The following CSTPP1 variants were observed in gnomAD, a reference collection of about 807,000 sequenced individuals.
CSTPP1 encodes centriolar satellite-associated tubulin polyglutamylase complex regulator 1.
At chr11:46,955,172 A>C in the CSTPP1 span, among the ~76,000 whole-genome samples, 1 of 152,180 alleles carries the variant, frequency 6.6e-6, no homozygotes, top group African/African-American at 2.4e-5. Context: ...CCACTTTGAC[A>C]TAAGTTTCTA....
chr11:47,094,006 G>A, the CSTPP1 span, among the ~76,000 whole-genome samples: 1 of 152,212 alleles, frequency 6.6e-6, no homozygotes, highest in Non-Finnish European at 1.5e-5. Flanking sequence ...GATGTAGCAT[G>A]TGACCTGAGC....
the CSTPP1 span, among the ~76,000 whole-genome samples, chr11:47,032,349 T>C: frequency 0.014 from 2,197 of 152,300 alleles, 55 homozygotes; most frequent in African/African-American, 0.05. Context: ...GCCTTCACAT[T>C]TGATGCAAAT....
At chr11:46,936,946 G>A in the CSTPP1 span, 4 of 1,315,610 alleles carry the variant, frequency 3.0e-6, no homozygotes, top group Non-Finnish European at 4.0e-6. Flanking sequence ...AGTGGGATCG[G>A]GTCCGGGTGG....
the CSTPP1 span, among the ~76,000 whole-genome samples, chr11:47,006,590 CT>C: frequency 0.03 from 4,330 of 143,848 alleles, 200 homozygotes; most frequent in African/African-American, 0.098. Context: ...GTCTCTGTCT[CT>C]TTTTTTTTTT....
At chr11:47,138,047 A>C in the CSTPP1 span, 2 of 347,442 alleles carry the variant, frequency 5.8e-6, no homozygotes, top group African/African-American at 4.2e-5. Flanking sequence ...ATTCTGAGAA[A>C]AGAGGGGCTG....
chr11:47,001,773 CAG>C, the CSTPP1 span, among the ~76,000 whole-genome samples: 1 of 151,912 alleles, frequency 6.6e-6, no homozygotes, highest in African/African-American at 2.4e-5. Context: ...CTAAAGGTGA[CAG>C]ATTTTTTAAG....
chr11:47,161,422 A>T, the CSTPP1 span: 1 of 1,611,056 alleles, frequency 6.2e-7, no homozygotes, highest in East Asian at 2.2e-5. Context: ...CTCTCTGTAC[A>T]GGAGGCCTCT....
the CSTPP1 span, chr11:47,137,931 G>A: frequency 3.2e-6 from 2 of 617,206 alleles, no homozygotes; most frequent in Non-Finnish European, 5.6e-6. Context: ...TGTGGTTTCT[G>A]TGGGGAGCCT....
the CSTPP1 span, among the ~76,000 whole-genome samples, chr11:47,134,050 C>A: frequency 6.6e-6 from 1 of 152,172 alleles, no homozygotes; most frequent in Non-Finnish European, 1.5e-5. Context: ...TCTCCCCTAC[C>A]CTGGACCCTC....
chr11:47,124,114 CTTTTTTT>C, the CSTPP1 span, among the ~76,000 whole-genome samples: 5 of 63,232 alleles, frequency 7.9e-5, no homozygotes, highest in East Asian at 6.6e-4. Flanking sequence ...AATGGTCTTA[CTTTTTTT>C]TTTTTTTTTT....
the CSTPP1 span, among the ~76,000 whole-genome samples, chr11:47,124,008 A>C: frequency 6.6e-6 from 1 of 151,846 alleles, no homozygotes; most frequent in East Asian, 1.9e-4. Context: ...CCTCAACCAC[A>C]GAGAATGACA....
At chr11:47,107,907 A>C in the CSTPP1 span, among the ~76,000 whole-genome samples, 1 of 152,160 alleles carries the variant, frequency 6.6e-6, no homozygotes, top group Non-Finnish European at 1.5e-5. Context: ...GAATCACTGT[A>C]CCTTGTTCCC....
chr11:47,128,414 C>G, the CSTPP1 span, among the ~76,000 whole-genome samples: 1 of 152,198 alleles, frequency 6.6e-6, no homozygotes, highest in Non-Finnish European at 1.5e-5. Context: ...CAGGGTCTCA[C>G]TCAGTCACCC....
chr11:47,042,956 G>T, the CSTPP1 span, among the ~76,000 whole-genome samples: 17 of 152,194 alleles, frequency 1.1e-4, no homozygotes, highest in East Asian at 2.3e-3. Context: ...ACATGGTAAT[G>T]ATACATAAAA....
the CSTPP1 span, among the ~76,000 whole-genome samples, chr11:47,129,252 G>C: frequency 1.3e-5 from 2 of 152,186 alleles, no homozygotes; most frequent in Non-Finnish European, 2.9e-5. Flanking sequence ...ATGAGCACGT[G>C]AGTGGTGGTG....
the CSTPP1 span, among the ~76,000 whole-genome samples, chr11:47,149,309 A>C: frequency 6.6e-6 from 1 of 152,182 alleles, no homozygotes; most frequent in Admixed American, 6.5e-5. Context: ...ACTTCAAAGC[A>C]GGGGCGGCCG....
chr11:47,152,494 T>C, the CSTPP1 span, among the ~76,000 whole-genome samples: 2 of 152,150 alleles, frequency 1.3e-5, no homozygotes, highest in Non-Finnish European at 2.9e-5. Context: ...AAGATGCTAG[T>C]GGCACTCAGC....
At chr11:47,103,545 ATATGTCT>A in the CSTPP1 span, among the ~76,000 whole-genome samples, 1 of 152,028 alleles carries the variant, frequency 6.6e-6, no homozygotes, top group Admixed American at 6.6e-5. Flanking sequence ...CACCTTTCTC[ATATGTCT>A]TATTAGTTCT....
At chr11:46,937,341 G>C in the CSTPP1 span, among the ~76,000 whole-genome samples, 1 of 1,056 alleles carries the variant, frequency 9.5e-4, no homozygotes, top group Admixed American at 0.033. Context: ...GGGCTGAAGA[G>C]GTAACTTGCG....
Sources: allele counts gnomAD v4.1 joint callset (sites outside exome capture counted in the v4.1 genomes callset), GRCh38; gene constraint gnomAD v4.1.1; transcripts MANE v1.5; gene names NCBI Gene and HGNC (gene_info 2026-07-23, HGNC 2026-07-21).